RBFOX1: variants seen among roughly 807,000 people sequenced by gnomAD.
RBFOX1 encodes RNA binding protein fox-1 homolog 1.
RBFOX1 carries 8 observed loss-of-function variants against 57.7 expected under a neutral mutation model. The ratio of observed to expected loss-of-function variants is 0.14; its 90% confidence interval spans 0.08 to 0.25. The LOEUF (loss-of-function observed/expected upper bound fraction) is 0.25. RBFOX1 is among the 10% of genes least tolerant of loss of function. The probability of loss-of-function intolerance (pLI) is 1.00; values close to 1 mark genes in which losing one functional copy is unlikely to be tolerated. For synonymous variants in RBFOX1, 326 were observed against 222.4 expected (o/e 1.47, Z -4.15); for missense variants, 611 against 548.5 (o/e 1.11, Z -1.14).
At chr16:7,247,040 T>G (rs896972088) in intron 4 of RBFOX1, among the ~76,000 whole-genome samples, 7 of 152,154 alleles carry the variant, frequency 4.6e-5, no homozygotes, top group Non-Finnish European at 8.8e-5. Flanking sequence ...GAGCACTTGT[T>G]TAGTGCATGT....
chr16:6,187,873 A>G (rs953033153), intron 1 of RBFOX1, among the ~76,000 whole-genome samples: 4 of 152,210 alleles, frequency 2.6e-5, no homozygotes, highest in East Asian at 1.9e-4. Flanking sequence ...TGTTTGGCAC[A>G]TGTGTTAACC....
intron 3 of RBFOX1, among the ~76,000 whole-genome samples, chr16:5,670,461 A>T (rs2151416115): frequency 6.6e-6 from 1 of 152,322 alleles, no homozygotes; most frequent in South Asian, 2.1e-4. Context: ...CACCAATGTA[A>T]GTTGTGAATG....
intron 2 of RBFOX1, among the ~76,000 whole-genome samples, chr16:6,515,274 C>T (rs1056183970): frequency 1.3e-5 from 2 of 152,224 alleles, no homozygotes; most frequent in Non-Finnish European, 2.9e-5. Flanking sequence ...TATTCTTCCT[C>T]TCCTGACCCA....
At position 5,579,763 on chromosome 16, in the gene RBFOX1, T is replaced by A. The variant is rs563794834; in HGVS notation, c.259-19139T>A. ...CAGTTAATTCTTTTCTTTCTTTCTT[T>A]TTTTTTTTTTCCTTGAGAAGGAGTC... On this transcript the variant is annotated intron_variant, in intron 2 of 2. Coordinates refer to the RBFOX1 transcript ENST00000585867. 4.3e-4 allele frequency among the ~76,000 whole-genome samples: 65 copies of A among 151,556 alleles called. No individual in the cohort carries two copies. In the South Asian group the frequency reaches 0.013, roughly 31 times the overall value.
intron 2 of RBFOX1, among the ~76,000 whole-genome samples, chr16:6,595,134 C>A (rs9930341): frequency 0.038 from 5,773 of 152,206 alleles, 394 homozygotes; most frequent in African/African-American, 0.13. Flanking sequence ...CATCAACACA[C>A]CATCAGCGCA....
chr16:7,311,922 G>A (rs1407195464), intron 4 of RBFOX1, among the ~76,000 whole-genome samples: 1 of 152,204 alleles, frequency 6.6e-6, no homozygotes, highest in East Asian at 1.9e-4. Context: ...AATTGAGCAA[G>A]ATAGTTTTTT....
In RBFOX1 at chr16:7,319,669, C is replaced by A. The variant is rs371651417; in HGVS notation, c.28-198478C>A. 3.3e-5 allele frequency among the ~76,000 whole-genome samples: 5 copies of A among 152,122 alleles called. No individual in the cohort carries two copies. In the South Asian group the frequency reaches 1.0e-3, roughly 31 times the overall value. On this transcript the variant is annotated intron_variant, in intron 4 of 15. Coordinates refer to ENST00000550418, the MANE Select transcript of RBFOX1 (RefSeq NM_018723.4). ...AATGTGGGCACCTGAGTGTTGGTGC[C>A]AGCTCCTTAGTAGATTTCCAGGGTT...
intron 4 of RBFOX1, among the ~76,000 whole-genome samples, chr16:5,987,911 C>G (rs963264902): frequency 6.6e-6 from 1 of 152,132 alleles, no homozygotes; most frequent in Non-Finnish European, 1.5e-5. Flanking sequence ...GACATGGGAA[C>G]TGTATTCCAA....
intron 13 of RBFOX1, 97 bp downstream of exon 13, chr16:7,665,065 T>G: frequency 6.2e-7 from 1 of 1,609,174 alleles, no homozygotes; most frequent in Non-Finnish European, 8.5e-7. Context: ...GTAGTTGAGT[T>G]TCTCTCCTTG....
intron 3 of RBFOX1, among the ~76,000 whole-genome samples, chr16:5,762,111 A>G (rs943620214): frequency 3.9e-5 from 6 of 152,326 alleles, no homozygotes; most frequent in Middle Eastern, 6.8e-3. Context: ...TGCAAAACCA[A>G]TAGTATACAC....
At chr16:5,394,784 C>T (rs745766048) in intron 1 of RBFOX1, among the ~76,000 whole-genome samples, 20 of 152,098 alleles carry the variant, frequency 1.3e-4, no homozygotes, top group East Asian at 1.9e-4. Flanking sequence ...CCCGGTCTCA[C>T]GCAGTCTGCC....
At chr16:7,003,553 A>G (rs1568323621) in intron 3 of RBFOX1, among the ~76,000 whole-genome samples, 1 of 152,208 alleles carries the variant, frequency 6.6e-6, no homozygotes, top group East Asian at 1.9e-4. Flanking sequence ...CCCTTTAAAA[A>G]TAAAATAAAA....
chr16:6,288,606 C>T (rs1276545321), intron 1 of RBFOX1, among the ~76,000 whole-genome samples: 1 of 152,144 alleles, frequency 6.6e-6, no homozygotes, highest in Non-Finnish European at 1.5e-5. Flanking sequence ...CAGGTGAGAG[C>T]TGTTGTCTGA....
chr16:6,999,649 C>T (rs897675749), intron 3 of RBFOX1, among the ~76,000 whole-genome samples: 1 of 152,024 alleles, frequency 6.6e-6, no homozygotes, highest in Non-Finnish European at 1.5e-5. Flanking sequence ...CTTCTTCTCC[C>T]TTCCCCATCA....
chr16:6,658,401 G>C (rs1005591251), intron 3 of RBFOX1, among the ~76,000 whole-genome samples: 4 of 151,846 alleles, frequency 2.6e-5, no homozygotes, highest in Non-Finnish European at 5.9e-5. Context: ...TAGAGGTGGG[G>C]TTTTACCATG....
intron 1 of RBFOX1, among the ~76,000 whole-genome samples, chr16:6,106,856 A>T (rs1376501937): frequency 2.6e-5 from 4 of 151,732 alleles, no homozygotes; most frequent in Non-Finnish European, 5.9e-5. Flanking sequence ...GATTTCTAGT[A>T]GAGACGGGGT....
chr16:5,296,845 AT>A (rs2063682302), intron 1 of RBFOX1, among the ~76,000 whole-genome samples: 1 of 151,712 alleles, frequency 6.6e-6, no homozygotes. Flanking sequence ...CGCCCAGCTA[AT>A]TTTTGTATTT....
At position 6,599,183 on chromosome 16, in the gene RBFOX1, A is replaced by G. The variant is rs1490355027; in HGVS notation, c.-63-55420A>G. On this transcript the variant is annotated intron_variant, in intron 2 of 15. Transcript: ENST00000550418. ...TTTCTCTTCTAACCCACATGTTTCTACTGTTCTCATCCAAAGACGTGTTGC... is the reference window on the plus strand; with the variant it reads ...TTTCTCTTCTAACCCACATGTTTCTGCTGTTCTCATCCAAAGACGTGTTGC... Among the ~76,000 whole-genome samples the G allele has an allele frequency of 4.6e-5, 7 of 152,228 alleles. No individual in the cohort carries two copies. The East Asian group carries it at 1.4e-3, about 29-fold the overall frequency.
At chr16:5,401,278 C>T (rs1405088771) in intron 1 of RBFOX1, among the ~76,000 whole-genome samples, 1 of 152,102 alleles carries the variant, frequency 6.6e-6, no homozygotes, top group African/African-American at 2.4e-5. Flanking sequence ...TGATTTTATT[C>T]CCATAAATAT....
Sources: allele counts gnomAD v4.1 joint callset (sites outside exome capture counted in the v4.1 genomes callset), GRCh38; gene constraint gnomAD v4.1.1; transcripts MANE v1.5; gene names NCBI Gene and HGNC (gene_info 2026-07-23, HGNC 2026-07-21).